The following RYR2 variants were observed in gnomAD, a reference collection of about 807,000 sequenced individuals.
RYR2 encodes cardiac muscle ryanodine receptor-calcium release channel.
In RYR2, 227 loss-of-function variants were observed where a neutral mutation model predicts 601.1. The ratio of observed to expected loss-of-function variants is 0.38; its 90% CI spans 0.34 to 0.42. RYR2 has a LOEUF of 0.42. Among genes scored for constraint, RYR2 ranks in the 10% least tolerant of loss-of-function variants. The pLI is 1.00. For synonymous variants in RYR2, 2,223 were observed against 2,175.1 expected (o/e 1.02, Z -0.61); for missense variants, 4,646 against 6,156.5 (o/e 0.75, Z 8.21).
intron 1 of RYR2, among the ~76,000 whole-genome samples, chr1:237,121,732 C>G (rs933156080): frequency 6.6e-6 from 1 of 152,288 alleles, no homozygotes; most frequent in South Asian, 2.1e-4. Flanking sequence ...CTGTGAGAAA[C>G]GGAGGCCACC....
chr1:237,093,310 G>A (rs564467108), intron 1 of RYR2, among the ~76,000 whole-genome samples: 8 of 152,308 alleles, frequency 5.3e-5, no homozygotes, highest in Non-Finnish European at 7.3e-5. Context: ...GAAGCCCATA[G>A]TGATGGTGGG....
At chr1:237,513,465 G>A (rs530290753) in intron 24 of RYR2, among the ~76,000 whole-genome samples, 11 of 152,194 alleles carry the variant, frequency 7.2e-5, no homozygotes, top group East Asian at 1.9e-4. Context: ...AATTTAAACC[G>A]CATTTCAAAT....
intron 37 of RYR2, among the ~76,000 whole-genome samples, chr1:237,615,580 G>A (rs1395912842): frequency 1.3e-5 from 2 of 152,058 alleles, no homozygotes; most frequent in African/African-American, 2.4e-5. Context: ...TGTCTCCTCT[G>A]TTTATTAAAG....
chr1:237,494,303 C>A (rs1450947703), intron 19 of RYR2, among the ~76,000 whole-genome samples: 1 of 152,144 alleles, frequency 6.6e-6, no homozygotes, highest in Non-Finnish European at 1.5e-5. Flanking sequence ...CCTGGCAAAC[C>A]ACTGCTAAGT....
intron 1 of RYR2, among the ~76,000 whole-genome samples, chr1:237,086,018 G>A (rs934199206): frequency 2.0e-5 from 3 of 152,232 alleles, no homozygotes; most frequent in Non-Finnish European, 4.4e-5. Context: ...GCCTCTCAAA[G>A]TGCTGGGATT....
chr1:237,138,597 A>G (rs1348113612), intron 1 of RYR2, among the ~76,000 whole-genome samples: 1 of 152,084 alleles, frequency 6.6e-6, no homozygotes, highest in African/African-American at 2.4e-5. Context: ...ATGAAACCAC[A>G]ATATAAAAAC....
rs1301178829 is a variant in RYR2 at position 237,550,524 on chromosome 1, C to T, written c.3067-20C>T. On this transcript the variant is annotated intron_variant, in intron 26 of 104. Transcript: ENST00000366574. ...GCCCTTGGTATTGCTTTGACGGCTG[C>T]ACCCTGTGTTTTCCTGCAGGACGTA... 9 of 1,605,774 alleles carry T rather than the reference C, an allele frequency of 5.6e-6. No individual in the cohort carries two copies. The highest frequency in any genetic ancestry group is 7.7e-6 in the Non-Finnish European group (9 of 1,176,036).
intron 83 of RYR2, 24 bp downstream of exon 83, chr1:237,759,876 G>C (rs750467205): frequency 6.7e-7 from 1 of 1,499,058 alleles, no homozygotes; most frequent in Non-Finnish European, 9.2e-7. Flanking sequence ...TCCTTCTTGG[G>C]GGTTCTACTC....
intron 1 of RYR2, among the ~76,000 whole-genome samples, chr1:237,070,575 T>C (rs538279484): frequency 7.2e-5 from 11 of 152,318 alleles, no homozygotes; most frequent in Admixed American, 1.3e-4. Flanking sequence ...TTGCTCCCAC[T>C]GGGCTTATTT....
chr1:237,697,405 TTATATAATTATATCA>T (rs941293135), intron 63 of RYR2, among the ~76,000 whole-genome samples: 2 of 142,590 alleles, frequency 1.4e-5, no homozygotes, highest in East Asian at 2.0e-4. Context: ...ATGTTATATA[TTATATAATTATATCA>T]TATATAATTA....
intron 13 of RYR2, among the ~76,000 whole-genome samples, chr1:237,444,226 C>T (rs1462286321): frequency 6.6e-6 from 1 of 152,066 alleles, no homozygotes; most frequent in Non-Finnish European, 1.5e-5. Context: ...CTTTATTTGA[C>T]TTCTAGTTTA....
chr1:237,801,998 A>G (rs1660033029), intron 98 of RYR2, 82 bp downstream of exon 98: 1 of 808,790 alleles, frequency 1.2e-6, no homozygotes, highest in Non-Finnish European at 2.1e-6. Flanking sequence ...AAGGCTGGTT[A>G]TTTAGAAAAT....
intron 5 of RYR2, among the ~76,000 whole-genome samples, chr1:237,366,204 T>C (rs575385681): frequency 4.6e-5 from 7 of 152,340 alleles, no homozygotes; most frequent in Middle Eastern, 3.4e-3. Flanking sequence ...TAAACAGTGA[T>C]GCATTAGGAC....
chr1:237,364,215 A>G (rs1430450039), intron 4 of RYR2, 143 bp from the exon 5 acceptor site: 10 of 632,462 alleles, frequency 1.6e-5, no homozygotes, highest in Non-Finnish European at 7.6e-6. Flanking sequence ...TTGCGATAAC[A>G]TGGTGAATGT....
chr1:237,345,322 A>C (rs2808228), intron 3 of RYR2, among the ~76,000 whole-genome samples: 22,274 of 151,922 alleles, frequency 0.15, 1,797 homozygotes, highest in East Asian at 0.34. Context: ...CCAGTTTTTC[A>C]TAGTATATAG....
At chr1:237,578,377 A>G (rs1673505101) in intron 29 of RYR2, among the ~76,000 whole-genome samples, 1 of 151,682 alleles carries the variant, frequency 6.6e-6, no homozygotes, top group Non-Finnish European at 1.5e-5. Context: ...GTGTAGGGGA[A>G]CTCCCCAAGC....
chr1:237,575,922 T>C (rs536333061), intron 29 of RYR2, among the ~76,000 whole-genome samples: 2 of 152,212 alleles, frequency 1.3e-5, no homozygotes, highest in Admixed American at 6.5e-5. Flanking sequence ...CTAGGAACAA[T>C]TGGAGTGTTT....
At chr1:237,665,989 A>AT (rs148762976) in intron 56 of RYR2, among the ~76,000 whole-genome samples, 43,261 of 152,028 alleles carry the variant, frequency 0.28, 6,914 homozygotes, top group Admixed American at 0.34. Flanking sequence ...GGTATATTTC[A>AT]TTTTTTAAAA....
intron 79 of RYR2, among the ~76,000 whole-genome samples, chr1:237,739,903 A>G (rs1691466017): frequency 6.6e-6 from 1 of 152,228 alleles, no homozygotes; most frequent in African/African-American, 2.4e-5. Context: ...TCGTGCTGCC[A>G]GTTTTGAATT....
Sources: gnomAD v4.1 joint callset for allele counts (sites outside exome capture counted in the v4.1 genomes callset) on GRCh38, gnomAD v4.1.1 for gene constraint, MANE v1.5 for transcripts, NCBI Gene and HGNC (gene_info 2026-07-23, HGNC 2026-07-21) for gene names.